The following HS6ST3 variants were observed in gnomAD, a reference collection of about 807,000 sequenced individuals.
HS6ST3 encodes heparan-sulfate 6-O-sulfotransferase 3.
HS6ST3 carries 12 observed loss-of-function variants against 36.7 expected under a neutral mutation model. That is an observed-to-expected ratio of 0.33 (90% CI 0.21 to 0.53). The LOEUF (loss-of-function observed/expected upper bound fraction) is 0.53. Among genes scored for constraint, HS6ST3 ranks in the 20% least tolerant of loss-of-function variants. HS6ST3 has a pLI of 0.95. For synonymous variants in HS6ST3, 240 were observed against 257.5 expected, an observed-to-expected ratio of 0.93 and a Z score of 0.65; for missense variants, 584 against 640.9, an observed-to-expected ratio of 0.91 and a Z score of 0.96.
chr13:96,250,703 C>T (rs913831057), intron 1 of HS6ST3, among the ~76,000 whole-genome samples: 7 of 152,160 alleles, frequency 4.6e-5, no homozygotes, highest in Admixed American at 1.3e-4. Flanking sequence ...GAATACAATA[C>T]ATCCTCCAAC....
chr13:96,380,870 C>T (rs1290097397), intron 1 of HS6ST3, among the ~76,000 whole-genome samples: 1 of 152,102 alleles, frequency 6.6e-6, no homozygotes, highest in Non-Finnish European at 1.5e-5. Flanking sequence ...GACCTGATCG[C>T]TACTCAGAAA....
chr13:96,568,429 G>A (rs961719291), intron 1 of HS6ST3, among the ~76,000 whole-genome samples: 1 of 152,060 alleles, frequency 6.6e-6, no homozygotes, highest in African/African-American at 2.4e-5. Flanking sequence ...ACCACGGCTG[G>A]CTAATTTTTG....
intron 1 of HS6ST3, among the ~76,000 whole-genome samples, chr13:96,774,009 G>C (rs565438593): frequency 5.4e-4 from 82 of 152,320 alleles, no homozygotes; most frequent in Middle Eastern, 3.4e-3. Flanking sequence ...CTGTTCTGCA[G>C]CTTCCTCTGG....
chr13:96,814,133 G>A (rs1380560054), intron 1 of HS6ST3, among the ~76,000 whole-genome samples: 4 of 152,102 alleles, frequency 2.6e-5, no homozygotes, highest in Admixed American at 6.5e-5. Context: ...TGCAGACTGT[G>A]TTAATTCCAG....
chr13:96,679,588 CAA>C (rs974989425), intron 1 of HS6ST3, among the ~76,000 whole-genome samples: 1 of 152,144 alleles, frequency 6.6e-6, no homozygotes, highest in African/African-American at 2.4e-5. Context: ...AATGCAGAGC[CAA>C]AGACAGTTTA....
Position 96,704,751 on chromosome 13 carries a change from C to A in HS6ST3, c.708-127739C>A, listed in dbSNP as rs1279208124. 2.6e-5 allele frequency among the ~76,000 whole-genome samples: 4 copies of A among 152,034 alleles called. 1 individual carries two copies. The highest frequency in any genetic ancestry group is 5.9e-5 in the Non-Finnish European group (4 of 67,988). On this transcript the variant is annotated intron_variant, in intron 1 of 1. Transcript: ENST00000376705. The stretch of plus-strand genomic sequence containing the variant: ...GCAGGGAGACTGACTCAGAGGACTG[C>A]AAGAGAAAGAAATTCCCCCAAATTC...
intron 1 of HS6ST3, among the ~76,000 whole-genome samples, chr13:96,234,057 A>G (rs2054520566): frequency 6.6e-6 from 1 of 151,902 alleles, no homozygotes; most frequent in South Asian, 2.1e-4. Context: ...GATGCAACTT[A>G]TAAACAAGAC....
In HS6ST3 at chr13:96,834,025, T is replaced by G. The variant is rs749953982; in HGVS notation, c.*827T>G. ...TTCAATGTGAGGAATGAATGATAAA[T>G]TAAGAGAAAAAAATATCAGGAAGGT... is the stretch of plus-strand genomic sequence containing the variant. On this transcript the variant is annotated 3_prime_UTR_variant, in exon 2 of 2. Coordinates refer to ENST00000376705, the MANE Select transcript of HS6ST3 (RefSeq NM_153456.4). The G allele has an allele frequency of 5.3e-5, 8 of 152,106 alleles. No homozygotes were observed. Among genetic ancestry groups the G allele is most frequent in the Non-Finnish European group, 8.8e-5 (6 of 68,024 alleles). The allele number at this position is 152,106 out of a possible 1,614,324, so 9.4% of individuals were successfully genotyped here. A position where few individuals can be genotyped will look rare whatever the true frequency, so the allele number is the denominator to read the frequency against.
At chr13:96,137,497 G>GA in intron 1 of HS6ST3, among the ~76,000 whole-genome samples, 1 of 149,526 alleles carries the variant, frequency 6.7e-6, no homozygotes, top group East Asian at 2.0e-4. Flanking sequence ...ACAGTGGTGC[G>GA]ATCTTAGCTC....
intron 1 of HS6ST3, among the ~76,000 whole-genome samples, chr13:96,689,829 C>T (rs945230679): frequency 8.6e-6 from 1 of 116,516 alleles, no homozygotes; most frequent in African/African-American, 3.1e-5. Flanking sequence ...GGGCTGCAGG[C>T]ACCTCTTTTT....
intron 1 of HS6ST3, among the ~76,000 whole-genome samples, chr13:96,704,509 AGATGGTT>A (rs954415777): frequency 1.3e-5 from 2 of 152,234 alleles, no homozygotes; most frequent in African/African-American, 4.8e-5. Flanking sequence ...TCAGAAATCA[AGATGGTT>A]GAATGTACAT....
chr13:96,480,866 A>G (rs779495988), intron 1 of HS6ST3, among the ~76,000 whole-genome samples: 4 of 152,164 alleles, frequency 2.6e-5, no homozygotes, highest in Non-Finnish European at 5.9e-5. Context: ...TGTACTCTGG[A>G]GCTCACAGTG....
rs180894050 is a variant in HS6ST3 at position 96,718,741 on chromosome 13, T to A, written c.708-113749T>A. Among the ~76,000 whole-genome samples the A allele has an allele frequency of 1.3e-3, 202 of 152,286 alleles. 1 individual carries two copies. Among genetic ancestry groups the A allele is most frequent in the African/African-American group, 4.7e-3 (194 of 41,558 alleles). ...GGCACAGAAGAGGCCCTCATTAAAA[T>A]GCGTTAAATGACAGAATGAATTTAA... On this transcript the variant is annotated intron_variant, in intron 1 of 1. Coordinates refer to ENST00000376705, the MANE Select transcript of HS6ST3 (RefSeq NM_153456.4).
chr13:96,500,374 A>G (rs2055998312), intron 1 of HS6ST3, among the ~76,000 whole-genome samples: 1 of 152,186 alleles, frequency 6.6e-6, no homozygotes, highest in Non-Finnish European at 1.5e-5. Flanking sequence ...GCTGTTATAA[A>G]TAATGCTGCT....
At chr13:96,576,395 A>G (rs971120607) in intron 1 of HS6ST3, among the ~76,000 whole-genome samples, 1 of 150,088 alleles carries the variant, frequency 6.7e-6, no homozygotes, top group Non-Finnish European at 1.5e-5. Context: ...TGGGGCAACA[A>G]TTACTCTTAG....
chr13:96,295,372 G>C (rs2054849954), intron 1 of HS6ST3, among the ~76,000 whole-genome samples: 1 of 151,828 alleles, frequency 6.6e-6, no homozygotes, highest in Non-Finnish European at 1.5e-5. Flanking sequence ...TTTTTTCCAA[G>C]TGTCATTGTG....
At chr13:96,429,412 G>A (rs1410128527) in intron 1 of HS6ST3, among the ~76,000 whole-genome samples, 4 of 152,148 alleles carry the variant, frequency 2.6e-5, no homozygotes, top group South Asian at 4.1e-4. Context: ...CTTAGCCCTC[G>A]TGAAAACACT....
intron 1 of HS6ST3, among the ~76,000 whole-genome samples, chr13:96,246,793 C>A (rs1462763096): frequency 1.3e-5 from 2 of 152,018 alleles, no homozygotes; most frequent in Non-Finnish European, 2.9e-5. Context: ...TAGCTTCTTC[C>A]CCACGATGGA....
chr13:96,263,072 T>C (rs1362226255), intron 1 of HS6ST3, among the ~76,000 whole-genome samples: 1 of 152,188 alleles, frequency 6.6e-6, no homozygotes, highest in Non-Finnish European at 1.5e-5. Flanking sequence ...ATTAGGTAGA[T>C]GTCTTAGGTA....
Sources: allele counts gnomAD v4.1 joint callset (sites outside exome capture counted in the v4.1 genomes callset), GRCh38; gene constraint gnomAD v4.1.1; transcripts MANE v1.5; gene names NCBI Gene and HGNC (gene_info 2026-07-23, HGNC 2026-07-21).